KCNAB1: variants seen among roughly 807,000 people sequenced by gnomAD.
KCNAB1 encodes the protein potassium voltage-gated channel subfamily A regulatory beta subunit 1.
Under a neutral mutation model 64.6 loss-of-function variants are expected in KCNAB1, and 35 were observed. The observed-to-expected ratio is 0.54, with a 90% CI of 0.41 to 0.72. The LOEUF (loss-of-function observed/expected upper bound fraction) is 0.72. Ranked by LOEUF, KCNAB1 falls within the 30% of genes least tolerant of loss-of-function variation. The probability of loss-of-function intolerance (pLI) is 0.00; values close to 1 mark genes in which losing one functional copy is unlikely to be tolerated. For missense variants in KCNAB1, 401 were observed against 512.9 expected, an observed-to-expected ratio of 0.78 and a Z score of 2.11; for synonymous variants, 177 against 183.8, an observed-to-expected ratio of 0.96 and a Z score of 0.30.
chr3:156,307,576 T>C (rs1721589257), intron 1 of KCNAB1, among the ~76,000 whole-genome samples: 2 of 152,092 alleles, frequency 1.3e-5, no homozygotes. Context: ...GGCTGTGAAA[T>C]CATTCTGGTG....
intron 1 of KCNAB1, among the ~76,000 whole-genome samples, chr3:156,309,385 G>A (rs939493482): frequency 2.0e-5 from 3 of 152,230 alleles, no homozygotes; most frequent in African/African-American, 7.2e-5. Flanking sequence ...TTATGTGGCA[G>A]TGGGAAGCCA....
intron 2 of KCNAB1, among the ~76,000 whole-genome samples, chr3:156,424,914 A>G (rs1715711680): frequency 1.3e-5 from 2 of 152,362 alleles, no homozygotes; most frequent in Non-Finnish European, 2.9e-5. Context: ...GAAAAATAAG[A>G]GGAAACAAGG....
chr3:156,211,931 A>G (rs1226965012), intron 1 of KCNAB1, among the ~76,000 whole-genome samples: 1 of 152,194 alleles, frequency 6.6e-6, no homozygotes, highest in Non-Finnish European at 1.5e-5. Context: ...TTGGGCTCTC[A>G]AGTCAAAACC....
chr3:156,120,453 C>A, upstream of KCNAB1: 1 of 821,092 alleles, frequency 1.2e-6, no homozygotes, highest in Admixed American at 2.3e-5. Flanking sequence ...GATACATTTT[C>A]ATCCCAAGCC....
chr3:156,384,857 GGCA>G (rs1712461550), intron 1 of KCNAB1, among the ~76,000 whole-genome samples: 1 of 152,134 alleles, frequency 6.6e-6, no homozygotes, highest in Non-Finnish European at 1.5e-5. Flanking sequence ...GGAGAAGGAG[GGCA>G]CCTGAAGGGG....
In KCNAB1 at chr3:156,515,150, A is replaced by C; in HGVS notation, c.795A>C (p.Glu265Asp). The change falls in exon 10 of 14, where the codon GAA (glutamate) becomes GAC (aspartate). Residue 265 changes from glutamate (E) to aspartate (D), a missense_variant. Physicochemically the swap from Glu to Asp is conservative, Grantham distance 45. Coordinates refer to ENST00000490337, the MANE Select transcript of KCNAB1 (RefSeq NM_172160.3). ...TCAATATGATCCCACCGGTCTGTGA[A>C]CAAGCTGAGTACCATCTTTTCCAGA... ...RQFNMIPPVC[E>D]QAEYHLFQRE... 1 of 1,613,630 alleles carries C rather than the reference A, an allele frequency of 6.2e-7. No homozygotes were observed. The highest frequency in any genetic ancestry group is 8.5e-7 in the Non-Finnish European group (1 of 1,179,646).
chr3:156,118,519 G>A (rs1025336530), upstream of KCNAB1, among the ~76,000 whole-genome samples: 1 of 152,232 alleles, frequency 6.6e-6, no homozygotes, highest in African/African-American at 2.4e-5. Flanking sequence ...AATGACAGGA[G>A]TGTCAAAGAA....
chr3:156,296,369 T>C (rs141007068), intron 1 of KCNAB1, among the ~76,000 whole-genome samples: 2 of 152,206 alleles, frequency 1.3e-5, no homozygotes, highest in Non-Finnish European at 2.9e-5. Flanking sequence ...CTCCTCCTCA[T>C]TCTGAAATTG....
At chr3:156,318,437 C>T (rs981756683) in intron 1 of KCNAB1, among the ~76,000 whole-genome samples, 2 of 152,074 alleles carry the variant, frequency 1.3e-5, no homozygotes, top group Admixed American at 6.5e-5. Context: ...GGGAGTGGAC[C>T]CCCAGCTTCC....
chr3:156,486,984 T>C (rs1049785258), intron 8 of KCNAB1, among the ~76,000 whole-genome samples: 32 of 152,270 alleles, frequency 2.1e-4, no homozygotes, highest in African/African-American at 6.0e-4. Context: ...TAAGGACCAG[T>C]AGGAGATTTA....
chr3:156,519,806 C>T (rs1717819069), intron 11 of KCNAB1, among the ~76,000 whole-genome samples: 1 of 152,170 alleles, frequency 6.6e-6, no homozygotes, highest in Admixed American at 6.5e-5. Context: ...TTTCTAAAGG[C>T]ATGTAACCTA....
At position 156,143,107 on chromosome 3, in the gene KCNAB1, T is replaced by A. The variant is rs1577632065; in HGVS notation, c.275+22221T>A. On this transcript the variant is annotated intron_variant, in intron 1 of 13. Coordinates refer to ENST00000490337, the MANE Select transcript of KCNAB1 (RefSeq NM_172160.3). ...ACTGAAGCCAGATAACCCAAGGTAT[T>A]CACAGCAAGATACAGTGAGTCTTAA... The A allele has an allele frequency of 2.0e-6, 3 of 1,480,916 alleles. No individual in the cohort carries two copies. The East Asian group carries it at 7.2e-5, about 35-fold the overall frequency. 91.7% of individuals were successfully genotyped at this position (1,480,916 alleles called of 1,614,324 possible).
At chr3:156,393,180 C>T (rs780809159) in intron 1 of KCNAB1, among the ~76,000 whole-genome samples, 17 of 152,222 alleles carry the variant, frequency 1.1e-4, no homozygotes, top group Admixed American at 8.5e-4. Context: ...AACAGACTTG[C>T]GCCAGGCAGG....
chr3:156,473,850 T>C (rs1714133062), intron 7 of KCNAB1, among the ~76,000 whole-genome samples: 1 of 152,168 alleles, frequency 6.6e-6, no homozygotes, highest in Non-Finnish European at 1.5e-5. Context: ...CTAAATGCTG[T>C]GCCCCATGGA....
chr3:156,494,605 G>T (rs750112836), intron 8 of KCNAB1, among the ~76,000 whole-genome samples: 1 of 151,962 alleles, frequency 6.6e-6, no homozygotes. Flanking sequence ...AGATTCACGT[G>T]TGAAAGTTTC....
chr3:156,187,612 G>A (rs955185547), intron 1 of KCNAB1, among the ~76,000 whole-genome samples: 3 of 152,148 alleles, frequency 2.0e-5, no homozygotes, highest in African/African-American at 7.2e-5. Flanking sequence ...TGCCCTCTGT[G>A]CATCTGGCAA....
intron 1 of KCNAB1, among the ~76,000 whole-genome samples, chr3:156,235,991 C>T (rs961205228): frequency 6.6e-6 from 1 of 152,132 alleles, no homozygotes; most frequent in Non-Finnish European, 1.5e-5. Context: ...TCCTAAACCA[C>T]CTACTGGAGA....
At chr3:156,228,760 C>G (rs902722680) in intron 1 of KCNAB1, among the ~76,000 whole-genome samples, 13 of 152,214 alleles carry the variant, frequency 8.5e-5, no homozygotes, top group Admixed American at 6.5e-5. Flanking sequence ...ACCTCAGTGA[C>G]AGCCACTATG....
intron 8 of KCNAB1, among the ~76,000 whole-genome samples, chr3:156,496,481 G>C (rs138313228): frequency 3.9e-5 from 6 of 152,098 alleles, no homozygotes; most frequent in Non-Finnish European, 7.4e-5. Context: ...GCCTTCCACC[G>C]TAAGAGTGAG....
Sources: gnomAD v4.1 joint callset for allele counts (sites outside exome capture counted in the v4.1 genomes callset) on GRCh38, gnomAD v4.1.1 for gene constraint, MANE v1.5 for transcripts, NCBI Gene and HGNC (gene_info 2026-07-23, HGNC 2026-07-21) for gene names.